Variants in CACNA1C observed in about 807,000 individuals in gnomAD.
CACNA1C encodes the protein voltage-dependent L-type calcium channel subunit alpha-1C.
Under a neutral mutation model 229.0 loss-of-function variants are expected in CACNA1C, and 30 were observed. The ratio of observed to expected loss-of-function variants is 0.13; its 90% confidence interval spans 0.10 to 0.18. The LOEUF is 0.18. CACNA1C is among the 10% of genes least tolerant of loss of function. CACNA1C has a pLI of 1.00. For missense variants in CACNA1C, 1,658 were observed against 2,845.0 expected (o/e 0.58, Z 9.49); for synonymous variants, 1,114 against 1,132.5 (o/e 0.98, Z 0.33).
chr12:2,406,951 C>G (rs987618410), intron 3 of CACNA1C, among the ~76,000 whole-genome samples: 3 of 152,268 alleles, frequency 2.0e-5, no homozygotes, highest in African/African-American at 7.2e-5. Context: ...ATGCCACCAT[C>G]TTGCTATTCC....
At position 2,602,012 on chromosome 12, in the gene CACNA1C, C is replaced by G; in HGVS notation, c.2960+52C>G. ...TGGGCCATGCAGCTAGCAAGGGGTG[C>G]CAGAGAGGACAACCAGACCCTGGAG... On this transcript the variant is annotated intron_variant, in intron 22 of 46. Coordinates refer to ENST00000399655, the MANE Select transcript of CACNA1C (RefSeq NM_000719.7). This position sits in a 1 kb window ranked among gnomAD's most constrained non-coding sequence, Gnocchi z 4.4. 8.2e-7 allele frequency: 1 copy of G among 1,224,298 alleles called. No individual in the cohort carries two copies. Among genetic ancestry groups the G allele is most frequent in the Non-Finnish European group, 1.2e-6 (1 of 825,290 alleles). 75.8% of individuals were successfully genotyped at this position (1,224,298 alleles called of 1,614,324 possible). A position where few individuals can be genotyped will look rare whatever the true frequency, so the allele number is the denominator to read the frequency against.
intron 3 of CACNA1C, among the ~76,000 whole-genome samples, chr12:2,332,404 T>C (rs1009151916): frequency 6.6e-5 from 10 of 152,188 alleles, no homozygotes; most frequent in Non-Finnish European, 1.2e-4. Flanking sequence ...TGTTGATGAA[T>C]AAGGACAAGC....
chr12:2,197,233 ACTCT>A (rs1167658697), intron 3 of CACNA1C, among the ~76,000 whole-genome samples: 1 of 151,580 alleles, frequency 6.6e-6, no homozygotes, highest in Non-Finnish European at 1.5e-5. Context: ...AAATCCCATC[ACTCT>A]CTCTGCTGCT....
rs752025543 is a variant in CACNA1C at position 2,690,950 on chromosome 12, C to G, written c.6168C>G (p.Ile2056Met). ...LGQFAQDPKF[I>M]EVTTQELADA... ...AGTTTGCTCAAGATCCCAAGTTCAT[C>G]GAGGTCACCACCCAGGAGCTGGCCG... is the stretch of plus-strand genomic sequence containing the variant. Residue 2056 changes from isoleucine (I) to methionine (M), a missense_variant, in exon 47 of 47, where the codon ATC (isoleucine) becomes ATG (methionine). Physicochemically the swap from Ile to Met is conservative, Grantham distance 10. Transcript: ENST00000399655. The G allele has an allele frequency of 1.3e-6, 2 of 1,596,890 alleles. No individual in the cohort carries two copies. Among genetic ancestry groups the G allele is most frequent in the South Asian group, 1.1e-5 (1 of 88,216 alleles).
chr12:2,638,625 G>A (rs544261071), intron 30 of CACNA1C, among the ~76,000 whole-genome samples: 16 of 152,336 alleles, frequency 1.1e-4, no homozygotes, highest in Non-Finnish European at 1.9e-4. Flanking sequence ...GATGCATAGC[G>A]TGGAGCAAAG....
chr12:2,273,210 T>C (rs971372843), intron 3 of CACNA1C, among the ~76,000 whole-genome samples: 2 of 152,206 alleles, frequency 1.3e-5, no homozygotes, highest in Admixed American at 6.5e-5. Context: ...CCTTAAATCA[T>C]CTCCAGGTTA....
chr12:2,397,019 T>C (rs999846376), intron 3 of CACNA1C, among the ~76,000 whole-genome samples: 1 of 152,260 alleles, frequency 6.6e-6, no homozygotes, highest in Non-Finnish European at 1.5e-5. Context: ...TAGTTTATAT[T>C]TGGGGTTCAC....
intron 5 of CACNA1C, among the ~76,000 whole-genome samples, chr12:2,472,650 A>G (rs1350441701): frequency 6.6e-6 from 1 of 152,136 alleles, no homozygotes; most frequent in Non-Finnish European, 1.5e-5. Flanking sequence ...CTGTTTTCAA[A>G]TCGTTGTCTG....
intron 1 of CACNA1C, among the ~76,000 whole-genome samples, chr12:1,987,121 C>T (rs943457396): frequency 7.2e-5 from 11 of 152,214 alleles, no homozygotes; most frequent in African/African-American, 2.7e-4. Flanking sequence ...CTTACAGGAA[C>T]TCCCAGCTTT....
intron 1 of CACNA1C, among the ~76,000 whole-genome samples, chr12:2,041,571 C>T (rs907324951): frequency 5.3e-5 from 8 of 152,084 alleles, no homozygotes; most frequent in Admixed American, 2.0e-4. Context: ...CCACTGCGCC[C>T]GGCCCGCTAA....
At chr12:2,298,419 C>T (rs1254140784) in intron 3 of CACNA1C, among the ~76,000 whole-genome samples, 1 of 152,204 alleles carries the variant, frequency 6.6e-6, no homozygotes, top group African/African-American at 2.4e-5. Context: ...GTGCCTTAGC[C>T]TCCCAAGTAG....
intron 13 of CACNA1C, among the ~76,000 whole-genome samples, chr12:2,574,350 T>C (rs1245719702): frequency 1.3e-5 from 2 of 152,130 alleles, no homozygotes; most frequent in Non-Finnish European, 2.9e-5. Context: ...TTCTGTGGGG[T>C]GGGAGAAGGG....
chr12:2,548,437 C>G (rs1323100459), intron 9 of CACNA1C, among the ~76,000 whole-genome samples: 3 of 152,156 alleles, frequency 2.0e-5, no homozygotes, highest in African/African-American at 7.2e-5. Context: ...CTGGACCCAG[C>G]CCTACTTGAA....
At chr12:2,372,567 T>C (rs1037543674) in intron 3 of CACNA1C, among the ~76,000 whole-genome samples, 2 of 152,126 alleles carry the variant, frequency 1.3e-5, no homozygotes, top group African/African-American at 4.8e-5. Flanking sequence ...TAATCCTGCC[T>C]GCCTGCCTTT....
At chr12:2,074,609 A>AG (rs2062509834) in intron 1 of CACNA1C, among the ~76,000 whole-genome samples, 1 of 152,162 alleles carries the variant, frequency 6.6e-6, no homozygotes, top group Non-Finnish European at 1.5e-5. Context: ...AGGCCCTCTC[A>AG]GGGGGAGGAG....
chr12:2,623,288 G>A (rs1258521509), intron 29 of CACNA1C, among the ~76,000 whole-genome samples: 7 of 152,024 alleles, frequency 4.6e-5, no homozygotes, highest in Non-Finnish European at 7.4e-5. Flanking sequence ...GCCTCTCTGG[G>A]TCCCTGCAGA....
chr12:2,475,075 G>A (rs1045938147), intron 5 of CACNA1C, among the ~76,000 whole-genome samples: 3 of 152,056 alleles, frequency 2.0e-5, no homozygotes, highest in Non-Finnish European at 2.9e-5. Context: ...CGAGGCAGGC[G>A]GATCACGAGG....
At chr12:2,206,106 G>C (rs531507942) in intron 3 of CACNA1C, among the ~76,000 whole-genome samples, 10 of 152,118 alleles carry the variant, frequency 6.6e-5, no homozygotes, top group African/African-American at 2.2e-4. Context: ...TGTTTAGGGA[G>C]GGGGAGGGCG....
At chr12:2,107,683 T>G (rs1464837994) in intron 1 of CACNA1C, among the ~76,000 whole-genome samples, 2 of 152,282 alleles carry the variant, frequency 1.3e-5, no homozygotes, top group African/African-American at 4.8e-5. Context: ...TTCTACATTG[T>G]TTTTTGGGTC....
Sources: gnomAD v4.1 joint callset for allele counts (sites outside exome capture counted in the v4.1 genomes callset) on GRCh38, gnomAD v4.1.1 for gene constraint, Gnocchi (gnomAD v3.1) non-coding constraint, MANE v1.5 for transcripts, NCBI Gene and HGNC (gene_info 2026-07-23, HGNC 2026-07-21) for gene names.